The following RAD50 variants were observed in gnomAD, a reference collection of about 807,000 sequenced individuals.
The protein encoded by RAD50 is DNA repair protein RAD50.
In RAD50, 132 loss-of-function variants were observed where a neutral mutation model predicts 168.8. That is an observed-to-expected ratio of 0.78 (90% CI 0.68 to 0.90). RAD50 has a LOEUF of 0.90. Among genes scored for constraint, RAD50 ranks in the 40% least tolerant of loss-of-function variants. The pLI, the probability that RAD50 is intolerant of heterozygous loss-of-function variation, is 0.00. For missense variants in RAD50, 1,347 were observed against 1,534.4 expected, an observed-to-expected ratio of 0.88 and a Z score of 2.04; for synonymous variants, 525 against 497.4, an observed-to-expected ratio of 1.06 and a Z score of -0.74.
Position 132,643,169 on chromosome 5 carries a change from T to G in RAD50, c.*805T>G. ...TGTAGCATACTGGCTTCACCATCAA[T>G]CCTGATTCCTCTCTAAGTGGGCATT... On this transcript the variant is annotated 3_prime_UTR_variant, in exon 25 of 25. Transcript: ENST00000378823. 1 of 436,314 alleles carries G rather than the reference T, an allele frequency of 2.3e-6. No individual in the cohort carries two copies. The highest frequency in any genetic ancestry group is 2.0e-5 in the South Asian group (1 of 50,146). 27.0% of individuals were successfully genotyped at this position (436,314 alleles called of 1,614,324 possible). A position where few individuals can be genotyped will look rare whatever the true frequency, so the allele number is the denominator to read the frequency against.
rs587781454 is a variant in RAD50, at chr5:132,595,768, A to AT, written c.2165_2166insT (p.Lys722AsnfsTer6). The AT allele has an allele frequency of 2.5e-6, 4 of 1,613,226 alleles. No homozygotes were observed. In the East Asian group the frequency reaches 8.9e-5, roughly 36 times the overall value. On this transcript the variant is annotated frameshift_variant, in exon 13 of 25. Coordinates refer to ENST00000378823, the MANE Select transcript of RAD50 (RefSeq NM_005732.4). LOFTEE classifies it high-confidence loss of function. Reference sequence around the variant, plus strand: ...TCAACAGAATCAGAGCTAAAAAAAAAGGAAAAGCGGCGTGATGAAATGCTG... The same window carrying AT: ...TCAACAGAATCAGAGCTAAAAAAAAATGGAAAAGCGGCGTGATGAAATGCTG...
intron 21 of RAD50, among the ~76,000 whole-genome samples, chr5:132,622,576 TGCCAG>T (rs1358589273): frequency 6.6e-6 from 1 of 152,184 alleles, no homozygotes; most frequent in Non-Finnish European, 1.5e-5. Context: ...TGAGCCACTG[TGCCAG>T]GCTTATGATG....
In RAD50 at chr5:132,640,757, C is replaced by A. The variant is rs1581023783; in HGVS notation, c.3704C>A (p.Thr1235Lys). The A allele has an allele frequency of 1.2e-6, 2 of 1,614,210 alleles. No individual in the cohort carries two copies. Among genetic ancestry groups the A allele is most frequent in the Non-Finnish European group, 1.7e-6 (2 of 1,180,038 alleles). Reference protein sequence around the residue: ...CGIIALDEPTTNLDRENIESL... With the variant: ...CGIIALDEPTKNLDRENIESL... ...ATCATTGCCTTGGATGAGCCAACAA[C>A]AAATCTTGACCGAGAAAACATTGAA... is the stretch of plus-strand genomic sequence containing the variant. The change falls in exon 24 of 25, where the codon ACA becomes AAA. Residue 1235 changes from threonine (T) to lysine (K), a missense_variant. Physicochemically the swap from Thr to Lys is moderately conservative, Grantham distance 78. Transcript: ENST00000378823.
intron 5 of RAD50, among the ~76,000 whole-genome samples, chr5:132,586,982 A>G (rs113874137): frequency 0.02 from 3,070 of 152,320 alleles, 90 homozygotes; most frequent in African/African-American, 0.065. Flanking sequence ...GCATCATCCA[A>G]TAAGAGAATG....
intron 20 of RAD50, among the ~76,000 whole-genome samples, chr5:132,617,448 A>G (rs1751198061): frequency 6.6e-6 from 1 of 152,230 alleles, no homozygotes; most frequent in South Asian, 2.1e-4. Flanking sequence ...GATGCTTAAT[A>G]AGTGATAATA....
intron 7 of RAD50, among the ~76,000 whole-genome samples, 157 bp downstream of exon 7, chr5:132,588,246 A>G (rs955631877): frequency 1.3e-5 from 2 of 152,202 alleles, no homozygotes; most frequent in African/African-American, 4.8e-5. Flanking sequence ...TATAATGTCA[A>G]AATTTTAGAA....
chr5:132,643,107 G>A lies in RAD50; in HGVS notation c.*743G>A, dbSNP rs1336320903. On this transcript the variant is annotated 3_prime_UTR_variant, in exon 25 of 25. Coordinates refer to ENST00000378823, the MANE Select transcript of RAD50 (RefSeq NM_005732.4). ...CCACTTGAGGCCTGATCTGCCCATC[G>A]TGAAGAAGCCTGTAACACTCCTCTG... is the stretch of plus-strand genomic sequence containing the variant. 7.6e-6 allele frequency: 4 copies of A among 527,672 alleles called. No homozygotes were observed. Among genetic ancestry groups the A allele is most frequent in the East Asian group, 4.3e-5 (1 of 23,364 alleles). 32.7% of individuals were successfully genotyped at this position (527,672 alleles called of 1,614,324 possible). A position where few individuals can be genotyped will look rare whatever the true frequency, so the allele number is the denominator to read the frequency against.
chr5:132,578,667 C>T (rs1377243694), intron 3 of RAD50, among the ~76,000 whole-genome samples: 3 of 151,072 alleles, frequency 2.0e-5, no homozygotes, highest in Admixed American at 6.6e-5. Context: ...GCTGGGATTA[C>T]AGGTGCCCAC....
intron 6 of RAD50, 51 bp downstream of exon 6, chr5:132,587,741 A>T: frequency 6.2e-7 from 1 of 1,610,790 alleles, no homozygotes; most frequent in Non-Finnish European, 8.5e-7. Context: ...GATTATTGTA[A>T]TGAACTTTAT....
At chr5:132,613,490 A>G (rs192148745) in intron 19 of RAD50, among the ~76,000 whole-genome samples, 154 of 152,200 alleles carry the variant, frequency 1.0e-3, no homozygotes, top group Non-Finnish European at 1.7e-3. Context: ...CTCACTGCTT[A>G]CAGTACAAAG....
At chr5:132,578,511 A>ATTTT (rs1334747758) in intron 3 of RAD50, among the ~76,000 whole-genome samples, 1 of 120,810 alleles carries the variant, frequency 8.3e-6, no homozygotes. Flanking sequence ...TCAGTATAAT[A>ATTTT]TTTTTTTTCT....
intron 21 of RAD50, among the ~76,000 whole-genome samples, chr5:132,621,894 A>G: frequency 6.6e-6 from 1 of 151,964 alleles, no homozygotes; most frequent in East Asian, 1.9e-4. Flanking sequence ...TCTTCCATCA[A>G]TTTTGGGGAT....
intron 21 of RAD50, among the ~76,000 whole-genome samples, chr5:132,619,065 C>T (rs1351832570): frequency 6.6e-6 from 1 of 152,008 alleles, no homozygotes; most frequent in Non-Finnish European, 1.5e-5. Context: ...TGTTTATGGC[C>T]GTAGTTGATT....
intron 2 of RAD50, among the ~76,000 whole-genome samples, chr5:132,565,247 G>A (rs1453710175): frequency 6.6e-6 from 1 of 151,914 alleles, no homozygotes; most frequent in Admixed American, 6.6e-5. Flanking sequence ...ATGTGGAACT[G>A]TGAGCCAATT....
chr5:132,592,993 G>A (rs932584229), intron 11 of RAD50: 1 of 407,804 alleles, frequency 2.5e-6, no homozygotes, highest in South Asian at 1.7e-5. Flanking sequence ...TATTGTTTCT[G>A]CTGTTAATCA....
intron 5 of RAD50, among the ~76,000 whole-genome samples, chr5:132,582,652 A>C (rs1227452150): frequency 6.6e-6 from 1 of 152,170 alleles, no homozygotes; most frequent in Non-Finnish European, 1.5e-5. Context: ...TTCTTGCCTT[A>C]AATGGGAATT....
At chr5:132,606,900 C>G (rs1750995120) in intron 16 of RAD50, among the ~76,000 whole-genome samples, 2 of 152,054 alleles carry the variant, frequency 1.3e-5, no homozygotes, top group South Asian at 4.1e-4. Flanking sequence ...GGAGAAAAGG[C>G]CTTCGATAAA....
At chr5:132,615,980 A>C (rs1039306804) in intron 19 of RAD50, 23 bp from the exon 20 acceptor site, 1 of 1,563,198 alleles carries the variant, frequency 6.4e-7, no homozygotes, top group South Asian at 1.1e-5. Flanking sequence ...ATTTTTGTTA[A>C]CTAATTTAAT....
chr5:132,638,201 G>T lies in RAD50; in HGVS notation c.3596G>T (p.Gly1199Val), dbSNP rs1751634515. The T allele has an allele frequency of 6.2e-7, 1 of 1,614,210 alleles. No homozygotes were observed. The highest frequency in any genetic ancestry group is 8.5e-7 in the Non-Finnish European group (1 of 1,180,048). The change falls in exon 23 of 25, where the codon GGA becomes GTA. Residue 1199 changes from glycine (G) to valine (V), a missense_variant. Physicochemically the swap from Gly to Val is moderately radical, Grantham distance 109. This residue lies in a region of RAD50 where 635 missense variants were observed against 739.2 expected (regional missense o/e 0.86). Coordinates refer to ENST00000378823, the MANE Select transcript of RAD50 (RefSeq NM_005732.4). ...GGAGACACAGCCTTGGATATGCGAG[G>T]ACGATGCAGTGCTGGACAAAAGGCA... ...LKGDTALDMR[G>V]RCSAGQKVLA...
Sources: gnomAD v4.1 joint callset for allele counts (sites outside exome capture counted in the v4.1 genomes callset) on GRCh38, gnomAD v4.1.1 for gene constraint, gnomAD v4.1.1 regional missense constraint, MANE v1.5 for transcripts, NCBI Gene and HGNC (gene_info 2026-07-23, HGNC 2026-07-21) for gene names.